The following PAK2 variants were observed in gnomAD, a reference collection of about 807,000 sequenced individuals.
PAK2 encodes the protein serine/threonine-protein kinase PAK 2.
Under a neutral mutation model 65.9 loss-of-function variants are expected in PAK2, and 21 were observed. The observed-to-expected ratio is 0.32, with a 90% confidence interval of 0.23 to 0.46. The LOEUF (loss-of-function observed/expected upper bound fraction) is 0.46, where lower values mean the gene tolerates loss of function less well. PAK2 is among the 20% of genes least tolerant of loss of function. The pLI, the probability that PAK2 is intolerant of heterozygous loss-of-function variation, is 1.00. For missense variants in PAK2, 324 were observed against 642.6 expected (o/e 0.50, Z 5.36); for synonymous variants, 204 against 219.7 (o/e 0.93, Z 0.63).
At chr3:196,810,043 A>G (rs1715722455) in intron 7 of PAK2, among the ~76,000 whole-genome samples, 1 of 152,016 alleles carries the variant, frequency 6.6e-6, no homozygotes, top group Non-Finnish European at 1.5e-5. Flanking sequence ...TTCTAAATAT[A>G]TTGAAAGATG....
chr3:196,747,675 T>C (rs1560088135), intron 1 of PAK2, among the ~76,000 whole-genome samples: 1 of 152,196 alleles, frequency 6.6e-6, no homozygotes, highest in South Asian at 2.1e-4. Context: ...ACATAACCTA[T>C]TGATTAAATT....
chr3:196,787,580 G>GAAAAA (rs58321910), intron 2 of PAK2, among the ~76,000 whole-genome samples: 1 of 127,534 alleles, frequency 7.8e-6, no homozygotes, highest in Non-Finnish European at 1.7e-5. Flanking sequence ...CTCCGTCTCA[G>GAAAAA]AAAAAAAAAA....
chr3:196,818,165 C>G lies in PAK2; in HGVS notation c.1153+9C>G. On this transcript the variant is annotated intron_variant, in intron 12 of 14. Transcript: ENST00000327134. ...AGGATCTGTTAAGCTCAGTGAGTAA[C>G]AAATGGACAATTCACAATCATTTAT... 1.0e-6 allele frequency: 1 copy of G among 964,636 alleles called. No individual in the cohort carries two copies. 59.8% of individuals were successfully genotyped at this position (964,636 alleles called of 1,614,324 possible). A position where few individuals can be genotyped will look rare whatever the true frequency, so the allele number is the denominator to read the frequency against.
chr3:196,825,602 C>G (rs904523172), intron 13 of PAK2, among the ~76,000 whole-genome samples: 18 of 152,006 alleles, frequency 1.2e-4, no homozygotes, highest in African/African-American at 4.3e-4. Context: ...GAGATCGTGC[C>G]ATTGCATTCC....
intron 13 of PAK2, among the ~76,000 whole-genome samples, chr3:196,823,230 G>T (rs898174636): frequency 6.6e-6 from 1 of 152,102 alleles, no homozygotes; most frequent in Admixed American, 6.6e-5. Context: ...AGTGGTGTGA[G>T]TCTGGATGTA....
At chr3:196,756,411 G>A (rs1713771024) in intron 1 of PAK2, among the ~76,000 whole-genome samples, 7 of 152,060 alleles carry the variant, frequency 4.6e-5, no homozygotes, top group Admixed American at 4.6e-4. Flanking sequence ...CCTTTCCAGT[G>A]CGTTCCACTG....
At position 196,742,347 on chromosome 3, in the gene PAK2, C is replaced by CA. The variant is rs1474780935; in HGVS notation, c.-22+2194dup. On this transcript the variant is annotated intron_variant, in intron 1 of 14. Coordinates refer to ENST00000327134, the MANE Select transcript of PAK2 (RefSeq NM_002577.4). Reference sequence around the variant, plus strand: ...AGGTCATCTGCCCGCCTCAGCCTCCCAAAATGCTGGGATAGGCGTGAGCCA... The same window carrying CA: ...AGGTCATCTGCCCGCCTCAGCCTCCCAAAAATGCTGGGATAGGCGTGAGCCA... Among the ~76,000 whole-genome samples the CA allele has an allele frequency of 6.6e-5, 10 of 152,226 alleles. No homozygotes were observed. In the East Asian group the frequency reaches 1.9e-3, roughly 30 times the overall value.
intron 10 of PAK2, among the ~76,000 whole-genome samples, chr3:196,813,744 G>T (rs149125611): frequency 9.3e-4 from 142 of 152,172 alleles, no homozygotes; most frequent in African/African-American, 3.4e-3. Context: ...CAGGTCATGA[G>T]ATCGAGACCA....
chr3:196,763,184 T>G (rs765171930), intron 1 of PAK2, among the ~76,000 whole-genome samples: 4 of 152,178 alleles, frequency 2.6e-5, no homozygotes, highest in Non-Finnish European at 4.4e-5. Flanking sequence ...ATTTAATGGT[T>G]CTTTGTTGGC....
chr3:196,756,038 G>A (rs562708419), intron 1 of PAK2, among the ~76,000 whole-genome samples: 10 of 152,270 alleles, frequency 6.6e-5, no homozygotes, highest in Admixed American at 2.6e-4. Flanking sequence ...ACAGGTGTGA[G>A]CCACCGCACC....
At chr3:196,769,725 G>A (rs552533882) in intron 1 of PAK2, among the ~76,000 whole-genome samples, 1 of 152,096 alleles carries the variant, frequency 6.6e-6, no homozygotes, top group East Asian at 1.9e-4. Context: ...GCTGAGGCAG[G>A]AGAATTGCTT....
rs148378146 is a variant in PAK2 at position 196,823,045 on chromosome 3, G to A, written c.1350+2478G>A. ...TGGGGAAACTGTTAGAGAGATCTGA[G>A]CAGAGAAGCAAAGTGGTCTCCTTCA... On this transcript the variant is annotated intron_variant, in intron 13 of 14. Transcript: ENST00000327134. Among the ~76,000 whole-genome samples the A allele has an allele frequency of 1.5e-3, 224 of 152,250 alleles. 3 individuals are homozygous for A. The highest frequency in any genetic ancestry group is 5.0e-3 in the African/African-American group (206 of 41,558).
At chr3:196,787,535 C>T (rs1196404891) in intron 2 of PAK2, among the ~76,000 whole-genome samples, 4 of 149,570 alleles carry the variant, frequency 2.7e-5, no homozygotes, top group African/African-American at 4.9e-5. Context: ...GCCTTGATTG[C>T]GCCACTGCAC....
At chr3:196,772,190 T>G (rs1172755781) in intron 1 of PAK2, among the ~76,000 whole-genome samples, 3 of 152,344 alleles carry the variant, frequency 2.0e-5, no homozygotes, top group East Asian at 1.9e-4. Context: ...TTGGTTGTTA[T>G]GTGCATTATA....
chr3:196,794,288 T>A (rs149306398), intron 2 of PAK2, among the ~76,000 whole-genome samples: 1 of 152,268 alleles, frequency 6.6e-6, no homozygotes, highest in Non-Finnish European at 1.5e-5. Flanking sequence ...AGAAGCACAC[T>A]GGCTTCACTC....
At position 196,827,254 on chromosome 3, in the gene PAK2, C is replaced by T. The variant is rs1221732915; in HGVS notation, c.1409C>T (p.Ser470Phe). ...GAACTTCAGAATCCAGAGAAACTTT[C>T]CCCAATATTTCGGGATTTCTTAAAT... The part of the protein sequence containing the change: ...TPELQNPEKL[S>F]PIFRDFLNRC... The change falls in exon 14 of 15, where the codon TCC becomes TTC. Residue 470 changes from serine to phenylalanine, a missense_variant. Physicochemically the swap from Ser to Phe is radical, Grantham distance 155. This residue lies in a region of PAK2 where 43 missense variants were observed against 67.6 expected (regional missense o/e 0.64). Transcript: ENST00000327134. The T allele has an allele frequency of 6.2e-7, 1 of 1,611,588 alleles. No individual in the cohort carries two copies. The highest frequency in any genetic ancestry group is 2.2e-5 in the East Asian group (1 of 44,852).
intron 1 of PAK2, among the ~76,000 whole-genome samples, chr3:196,777,971 A>G (rs188112084): frequency 2.9e-3 from 438 of 152,330 alleles, no homozygotes; most frequent in Non-Finnish European, 4.6e-3. Context: ...CTGTGCAGCC[A>G]TCTCCACTGT....
intron 1 of PAK2, among the ~76,000 whole-genome samples, chr3:196,756,170 G>GT (rs1713763082): frequency 6.6e-6 from 1 of 152,096 alleles, no homozygotes; most frequent in Non-Finnish European, 1.5e-5. Flanking sequence ...TTTACGCTTT[G>GT]TCATTGTTTC....
rs61214266 is a variant in PAK2 at position 196,774,068 on chromosome 3, G to A, written c.-21-8558G>A. Among the ~76,000 whole-genome samples, 1,394 of 152,254 alleles carry A rather than the reference G, an allele frequency of 9.2e-3. 19 individuals carry two copies. Among genetic ancestry groups the A allele is most frequent in the African/African-American group, 0.032 (1,318 of 41,544 alleles). ...ACAACAAAAAAAATCTGTGGACACA[G>A]TATGGTACCATAAATCAGTAAACAT... On this transcript the variant is annotated intron_variant, in intron 1 of 14. Transcript: ENST00000327134.
Sources: allele counts gnomAD v4.1 joint callset (sites outside exome capture counted in the v4.1 genomes callset), GRCh38; gene constraint gnomAD v4.1.1; regional missense constraint gnomAD v4.1.1; transcripts MANE v1.5; gene names NCBI Gene and HGNC (gene_info 2026-07-23, HGNC 2026-07-21).